The following NRP1 variants were observed in gnomAD, a reference collection of about 807,000 sequenced individuals.
The protein encoded by NRP1 is neuropilin 1.
Under a neutral mutation model 106.7 loss-of-function variants are expected in NRP1, and 35 were observed. The ratio of observed to expected loss-of-function variants is 0.33; its 90% CI spans 0.25 to 0.43. The LOEUF (loss-of-function observed/expected upper bound fraction) is 0.43. Among genes scored for constraint, NRP1 ranks in the 20% least tolerant of loss-of-function variants. The pLI is 1.00. For synonymous variants in NRP1, 437 were observed against 417.9 expected (o/e 1.05, Z -0.56); for missense variants, 1,024 against 1,170.4 (o/e 0.87, Z 1.83).
At chr10:33,283,787 G>A (rs2132570045) in intron 2 of NRP1, among the ~76,000 whole-genome samples, 1 of 152,302 alleles carries the variant, frequency 6.6e-6, no homozygotes, top group Admixed American at 6.5e-5. Context: ...GTGTTTAGAA[G>A]AAAGGAAAGC....
chr10:33,185,940 A>G (rs766770719), intron 14 of NRP1, among the ~76,000 whole-genome samples: 5 of 152,216 alleles, frequency 3.3e-5, no homozygotes, highest in Non-Finnish European at 5.9e-5. Context: ...AAACGGGAGA[A>G]AGCAGCAAAC....
intron 2 of NRP1, among the ~76,000 whole-genome samples, chr10:33,287,726 G>A (rs547264898): frequency 6.6e-6 from 1 of 152,312 alleles, no homozygotes; most frequent in South Asian, 2.1e-4. Flanking sequence ...GGCCCATAGA[G>A]GTGTCTGGAG....
At chr10:33,327,116 A>G (rs1009706118) in intron 2 of NRP1, among the ~76,000 whole-genome samples, 2 of 151,484 alleles carry the variant, frequency 1.3e-5, no homozygotes, top group Non-Finnish European at 2.9e-5. Flanking sequence ...TCAGGGTGGA[A>G]GTTGACTATA....
chr10:33,216,425 C>T (rs910479413), intron 8 of NRP1, among the ~76,000 whole-genome samples: 4 of 150,104 alleles, frequency 2.7e-5, no homozygotes, highest in East Asian at 2.0e-4. Flanking sequence ...TGAGCCACGG[C>T]GCCTGGCCCC....
At chr10:33,316,191 A>T (rs1406799950) in intron 2 of NRP1, among the ~76,000 whole-genome samples, 1 of 152,212 alleles carries the variant, frequency 6.6e-6, no homozygotes, top group East Asian at 1.9e-4. Flanking sequence ...GGATAGGTTA[A>T]ACAGTGTTTG....
rs913210425 is a variant in NRP1, at chr10:33,296,686, G to A, written c.249-25830C>T. On this transcript the variant is annotated intron_variant, in intron 2 of 16. Transcript: ENST00000374867. ...CAAGAGTCAGTGAGTCCCTGGGAAG[G>A]CACTGGGCCAGCAGAGCCCAGACAT... 2.6e-5 allele frequency among the ~76,000 whole-genome samples: 4 copies of A among 152,112 alleles called. No individual in the cohort carries two copies. The East Asian group carries it at 7.7e-4, about 29-fold the overall frequency.
At chr10:33,195,460 C>G (rs1289993237) in intron 12 of NRP1, 6 of 532,106 alleles carry the variant, frequency 1.1e-5, no homozygotes, top group South Asian at 8.4e-5. Flanking sequence ...TGATGAGAAT[C>G]AGCAAGATGA....
intron 6 of NRP1, among the ~76,000 whole-genome samples, chr10:33,231,993 A>G (rs1040659478): frequency 2.6e-5 from 4 of 152,220 alleles, no homozygotes; most frequent in Admixed American, 2.6e-4. Context: ...TCTCTAAAGA[A>G]TATGAGCTCT....
At chr10:33,197,194 C>G (rs1836848743) in intron 12 of NRP1, among the ~76,000 whole-genome samples, 1 of 152,188 alleles carries the variant, frequency 6.6e-6, no homozygotes, top group East Asian at 1.9e-4. Context: ...GTTTCCTGAA[C>G]CCCGTTTTGT....
At chr10:33,216,177 T>G (rs967079955) in intron 8 of NRP1, among the ~76,000 whole-genome samples, 5 of 148,914 alleles carry the variant, frequency 3.4e-5, no homozygotes, top group Non-Finnish European at 7.4e-5. Context: ...TCGCTCTGTC[T>G]CCCAGGCTGG....
At chr10:33,182,130 A>T (rs1280015110) in intron 16 of NRP1, among the ~76,000 whole-genome samples, 1 of 152,220 alleles carries the variant, frequency 6.6e-6, no homozygotes, top group East Asian at 1.9e-4. Flanking sequence ...AGGTAAGTAA[A>T]GTGCTCAGAA....
intron 3 of NRP1, among the ~76,000 whole-genome samples, chr10:33,267,219 A>T (rs1437675901): frequency 2.0e-5 from 3 of 152,138 alleles, no homozygotes; most frequent in Non-Finnish European, 4.4e-5. Flanking sequence ...ACTGTGAGCC[A>T]ATTAAACCTC....
At chr10:33,272,650 A>G (rs1843388964) in intron 2 of NRP1, among the ~76,000 whole-genome samples, 1 of 152,174 alleles carries the variant, frequency 6.6e-6, no homozygotes, top group African/African-American at 2.4e-5. Flanking sequence ...AAGCCCCACA[A>G]GCTAGCATTT....
intron 8 of NRP1, among the ~76,000 whole-genome samples, chr10:33,219,592 A>G (rs1360537885): frequency 6.6e-6 from 1 of 152,246 alleles, no homozygotes; most frequent in Non-Finnish European, 1.5e-5. Flanking sequence ...AAGTTTACAT[A>G]ACTAGATCAT....
chr10:33,179,862 C>A lies in NRP1; in HGVS notation c.*214G>T. On this transcript the variant is annotated 3_prime_UTR_variant, in exon 17 of 17. Transcript: ENST00000374867. Reference sequence around the variant, plus strand: ...CAGCATCTGATTATTCAAATGAAACCAACAGGAAAAAAGCTGACTGCACAT... The same window carrying A: ...CAGCATCTGATTATTCAAATGAAACAAACAGGAAAAAAGCTGACTGCACAT... The A allele has an allele frequency of 1.8e-6, 1 of 566,160 alleles. No homozygotes were observed. Among genetic ancestry groups the A allele is most frequent in the South Asian group, 2.5e-5 (1 of 39,978 alleles). 35.1% of individuals were successfully genotyped at this position (566,160 alleles called of 1,614,324 possible).
At chr10:33,204,104 GT>G in intron 10 of NRP1, among the ~76,000 whole-genome samples, 1 of 152,102 alleles carries the variant, frequency 6.6e-6, no homozygotes, top group Non-Finnish European at 1.5e-5. Context: ...TTGGCATTAC[GT>G]TTCACTTTAC....
intron 12 of NRP1, among the ~76,000 whole-genome samples, chr10:33,193,610 T>G (rs551444500): frequency 6.6e-6 from 1 of 152,280 alleles, no homozygotes; most frequent in South Asian, 2.1e-4. Context: ...AGAATCCCTA[T>G]GAACAATAAG....
chr10:33,203,125 C>G (rs937342979), intron 10 of NRP1, 130 bp from the exon 11 acceptor site: 2 of 855,448 alleles, frequency 2.3e-6, no homozygotes, highest in Admixed American at 5.8e-5. Flanking sequence ...CATGGTTTGC[C>G]TCTCTTTCAG....
At position 33,306,439 on chromosome 10, in the gene NRP1, A is replaced by C. The variant is rs529044469; in HGVS notation, c.248+24269T>G. 4.6e-4 allele frequency among the ~76,000 whole-genome samples: 70 copies of C among 151,900 alleles called. 3 individuals are homozygous for C. The highest frequency in any genetic ancestry group is 8.5e-4 in the Admixed American group (13 of 15,218). Reference sequence around the variant, plus strand: ...AGAATCACTGAAAGCAGCTTCCTTCATCCTCTATTTTGACATAAAGATTCT... The same window carrying C: ...AGAATCACTGAAAGCAGCTTCCTTCCTCCTCTATTTTGACATAAAGATTCT... On this transcript the variant is annotated intron_variant, in intron 2 of 16. Transcript: ENST00000374867.
Sources: allele counts gnomAD v4.1 joint callset (sites outside exome capture counted in the v4.1 genomes callset), GRCh38; gene constraint gnomAD v4.1.1; transcripts MANE v1.5; gene names NCBI Gene and HGNC (gene_info 2026-07-23, HGNC 2026-07-21).